RET: variants seen among roughly 807,000 people sequenced by gnomAD.
RET encodes the protein proto-oncogene tyrosine-protein kinase receptor Ret.
In RET, 19 loss-of-function variants were observed where a neutral mutation model predicts 118.3. The observed-to-expected ratio is 0.16, with a 90% CI of 0.11 to 0.24. RET has a LOEUF of 0.24. Ranked by LOEUF, RET falls within the 10% of genes least tolerant of loss-of-function variation. RET has a pLI of 1.00. For missense variants in RET, 1,219 were observed against 1,502.1 expected (o/e 0.81, Z 3.12); for synonymous variants, 597 against 644.1 (o/e 0.93, Z 1.11).
At chr10:43,084,613 G>A (rs1837251239) in intron 1 of RET, among the ~76,000 whole-genome samples, 1 of 152,250 alleles carries the variant, frequency 6.6e-6, no homozygotes, top group Non-Finnish European at 1.5e-5. Flanking sequence ...CTGCAGAGAA[G>A]CAGCTTTATC....
intron 1 of RET, among the ~76,000 whole-genome samples, chr10:43,086,398 G>A (rs1190717253): frequency 1.3e-5 from 2 of 152,218 alleles, no homozygotes; most frequent in Non-Finnish European, 2.9e-5. Context: ...AGGAACATGA[G>A]CTGACAGATT....
At chr10:43,093,177 CTA>C (rs946574621) in intron 1 of RET, among the ~76,000 whole-genome samples, 2 of 152,006 alleles carry the variant, frequency 1.3e-5, no homozygotes, top group African/African-American at 4.8e-5. Flanking sequence ...TGATGAGGAG[CTA>C]TGTTTTATTC....
intron 1 of RET, among the ~76,000 whole-genome samples, chr10:43,097,895 C>T (rs1045414981): frequency 9.9e-5 from 15 of 152,142 alleles, no homozygotes; most frequent in African/African-American, 3.6e-4. Flanking sequence ...CAGCAACCGT[C>T]TGGGTGGGAG....
Position 43,128,408 on chromosome 10 carries a change from T to C in RET, c.*139T>C. Reference sequence around the variant, plus strand: ...AGGTGGCAGACTCGTTTTTGGTAGTTTGTTTTAACTTCCAAGGTGGTTTTA... The same window carrying C: ...AGGTGGCAGACTCGTTTTTGGTAGTCTGTTTTAACTTCCAAGGTGGTTTTA... On this transcript the variant is annotated 3_prime_UTR_variant, in exon 20 of 20. Coordinates refer to ENST00000355710, the MANE Select transcript of RET (RefSeq NM_020975.6). 1.0e-6 allele frequency: 1 copy of C among 962,550 alleles called. No homozygotes were observed. Among genetic ancestry groups the C allele is most frequent in the Non-Finnish European group, 1.6e-6 (1 of 614,726 alleles). 59.6% of individuals were successfully genotyped at this position (962,550 alleles called of 1,614,324 possible).
At chr10:43,104,387 G>A (rs1837710891) in intron 3 of RET, among the ~76,000 whole-genome samples, 1 of 152,144 alleles carries the variant, frequency 6.6e-6, no homozygotes, top group Non-Finnish European at 1.5e-5. Context: ...CATGGTGGCG[G>A]GCGCCTGTAG....
At position 43,130,095 on chromosome 10, in the gene RET, T is replaced by A. The variant is rs1313127455; in HGVS notation, c.*1826T>A. On this transcript the variant is annotated 3_prime_UTR_variant, in exon 20 of 20. Coordinates refer to ENST00000355710, the MANE Select transcript of RET (RefSeq NM_020975.6). ...GGGGAATTTATCCTTGACCAATTTATCCTTGACCAATAACCTAATTGTCTA... is the reference window on the plus strand; with the variant it reads ...GGGGAATTTATCCTTGACCAATTTAACCTTGACCAATAACCTAATTGTCTA... The A allele has an allele frequency of 5.0e-6, 2 of 397,994 alleles. No individual in the cohort carries two copies. The highest frequency in any genetic ancestry group is 4.1e-5 in the African/African-American group (2 of 48,636). 24.7% of individuals were successfully genotyped at this position (397,994 alleles called of 1,614,324 possible).
At chr10:43,108,972 C>T (rs959800947) in intron 5 of RET, 59 bp from the exon 6 acceptor site, 1 of 1,520,482 alleles carries the variant, frequency 6.6e-7, no homozygotes, top group Non-Finnish European at 9.0e-7. Flanking sequence ...AAGAGGTGTG[C>T]TACACATGAG....
intron 2 of RET, among the ~76,000 whole-genome samples, chr10:43,100,957 G>T (rs963738074): frequency 6.6e-6 from 1 of 152,234 alleles, no homozygotes; most frequent in Non-Finnish European, 1.5e-5. Flanking sequence ...GGAATCATCC[G>T]GGTACACTCT....
rs149417158 is a variant in RET, at chr10:43,123,821, T to C, written c.2939+13T>C. 83 of 1,613,888 alleles carry C rather than the reference T, an allele frequency of 5.1e-5. No homozygotes were observed. In the African/African-American group the frequency reaches 1.0e-3, roughly 19 times the overall value. Reference sequence around the variant, plus strand: ...GCAGCGAGGAGATGTGAGCGGGGACTGGCTTTGGCCCAGCCTCACTTGGGA... The same window carrying C: ...GCAGCGAGGAGATGTGAGCGGGGACCGGCTTTGGCCCAGCCTCACTTGGGA... On this transcript the variant is annotated intron_variant, in intron 17 of 19. Transcript: ENST00000355710.
chr10:43,080,224 C>G (rs2506012), intron 1 of RET, among the ~76,000 whole-genome samples: 3,625 of 152,286 alleles, frequency 0.024, 61 homozygotes, highest in Non-Finnish European at 0.036. Context: ...AAAATGGAAC[C>G]TGGGGTGCCA....
At chr10:43,097,675 T>A (rs1206076002) in intron 1 of RET, among the ~76,000 whole-genome samples, 5 of 152,194 alleles carry the variant, frequency 3.3e-5, no homozygotes, top group Non-Finnish European at 5.9e-5. Context: ...GGGAGCAGTG[T>A]TCCTGATGTA....
intron 1 of RET, among the ~76,000 whole-genome samples, chr10:43,099,654 T>C (rs547245621): frequency 5.2e-4 from 79 of 152,316 alleles, no homozygotes; most frequent in African/African-American, 1.8e-3. Context: ...TATGGGACCT[T>C]CACATTCCCC....
intron 1 of RET, among the ~76,000 whole-genome samples, chr10:43,078,014 G>T (rs965657727): frequency 6.6e-6 from 1 of 152,226 alleles, no homozygotes; most frequent in Non-Finnish European, 1.5e-5. Flanking sequence ...TGAAGATGCG[G>T]CCATAGGAGG....
intron 1 of RET, among the ~76,000 whole-genome samples, chr10:43,082,030 CCTCCATGGAG>C (rs1275423825): frequency 2.0e-5 from 3 of 152,184 alleles, no homozygotes; most frequent in Non-Finnish European, 4.4e-5. Flanking sequence ...GAGGCCTGAA[CCTCCATGGAG>C]CTCTGGTCCC....
Position 43,124,366 on chromosome 10 carries a change from C to T in RET, c.2940-517C>T, listed in dbSNP as rs545720217. Among the ~76,000 whole-genome samples the T allele has an allele frequency of 2.6e-5, 4 of 152,214 alleles. No homozygotes were observed. In the East Asian group the frequency reaches 5.8e-4, roughly 22 times the overall value. ...GGCCGAGAAGCCAGGTACCACCTCC[C>T]TGGGCCCCCAGCTGGTGGCCAGCTG... is the stretch of plus-strand genomic sequence containing the variant. On this transcript the variant is annotated intron_variant, in intron 17 of 19. Transcript: ENST00000355710.
rs117992817 is a variant in RET at position 43,092,250 on chromosome 10, A to C, written c.74-8209A>C. ...ACAAGCACTGTATGATTCCACTTAC[A>C]TGAGGTCCCTGCAGTCGTCAAATTC... On this transcript the variant is annotated intron_variant, in intron 1 of 19. Transcript: ENST00000355710. Among the ~76,000 whole-genome samples the C allele has an allele frequency of 2.0e-5, 3 of 152,352 alleles. No individual in the cohort carries two copies. In the East Asian group the frequency reaches 5.8e-4, roughly 29 times the overall value.
chr10:43,114,692 G>A lies in RET; in HGVS notation c.2092G>A (p.Asp698Asn), dbSNP rs1276303673. The A allele has an allele frequency of 6.2e-7, 1 of 1,612,096 alleles. No individual in the cohort carries two copies. Among genetic ancestry groups the A allele is most frequent in the Non-Finnish European group, 8.5e-7 (1 of 1,179,922 alleles). Residue 698 changes from aspartate (D) to asparagine (N), a missense_variant, in exon 11 of 20, where the codon GAC becomes AAC. By Grantham distance (23) the Asp-to-Asn change is conservative. This residue lies in a region of RET where 850 missense variants were observed against 969.6 expected (regional missense o/e 0.88). Coordinates refer to ENST00000355710, the MANE Select transcript of RET (RefSeq NM_020975.6). This position sits in a 1 kb window ranked among gnomAD's most constrained non-coding sequence, Gnocchi z 4.6. The stretch of plus-strand genomic sequence containing the variant: ...TTCCGGTGCCCGCCGGCCCTCGCTG[G>A]ACTCCATGGAGAACCAGGTCTCCGT... ...SSSGARRPSL[D>N]SMENQVSVDA...
At chr10:43,093,624 G>T (rs887882785) in intron 1 of RET, among the ~76,000 whole-genome samples, 7 of 152,188 alleles carry the variant, frequency 4.6e-5, no homozygotes, top group Non-Finnish European at 1.0e-4. Flanking sequence ...ACCAGCCGAG[G>T]GGGTGAGCAG....
intron 1 of RET, among the ~76,000 whole-genome samples, chr10:43,099,898 A>T (rs1588861922): frequency 2.6e-5 from 4 of 152,216 alleles, no homozygotes. Context: ...GCATGGCTGG[A>T]CCACGGTGTG....
Sources: allele counts gnomAD v4.1 joint callset (sites outside exome capture counted in the v4.1 genomes callset), GRCh38; gene constraint gnomAD v4.1.1; regional missense constraint gnomAD v4.1.1; non-coding constraint Gnocchi (gnomAD v3.1); transcripts MANE v1.5; gene names NCBI Gene and HGNC (gene_info 2026-07-23, HGNC 2026-07-21).